C16orf96: variants seen among roughly 807,000 people sequenced by gnomAD.
C16orf96 encodes chromosome 16 open reading frame 96.
A neutral mutation model predicts 103.6 loss-of-function variants in C16orf96; 108 were observed. The observed-to-expected ratio is 1.04, with a 90% CI of 0.89 to 1.22. The LOEUF is 1.22. Ranked by LOEUF, C16orf96 falls within the 50% of genes most tolerant of loss-of-function variation. The pLI, the probability that C16orf96 is intolerant of heterozygous loss-of-function variation, is 0.00. For synonymous variants in C16orf96, 566 were observed against 593.5 expected (o/e 0.95, Z 0.67); for missense variants, 1,586 against 1,464.2 (o/e 1.08, Z -1.36).
rs548201732 is a variant in C16orf96 at position 4,575,487 on chromosome 16, C to T, written c.1007C>T (p.Pro336Leu). The T allele has an allele frequency of 6.5e-7, 1 of 1,547,870 alleles. No homozygotes were observed. Among genetic ancestry groups the T allele is most frequent in the African/African-American group, 1.4e-5 (1 of 73,172 alleles). Residue 336 changes from proline to leucine, a missense_variant, in exon 5 of 16, where the codon CCA (proline) becomes CTA (leucine). Coordinates refer to ENST00000444310, the MANE Select transcript of C16orf96 (RefSeq NM_001145011.2). ...PGPAPGTEPV[P>L]GLELGLELEP... ...CCTGCACCTGGGACTGAACCTGTGC[C>T]AGGACTGGAGCTGGGGCTGGAGCTG...
Position 4,575,731 on chromosome 16 carries a change from G to A in C16orf96, c.1251G>A (p.Gln417=). The change falls in exon 5 of 16, where the codon CAG becomes CAA. Residue 417 remains glutamine, a synonymous_variant. Transcript: ENST00000444310. Reference sequence around the variant, plus strand: ...ACTTAGGTGTCCTGCGGCCAACTCAGCCCCAACCCTCCAGGGCCCCACCAC... The same window carrying A: ...ACTTAGGTGTCCTGCGGCCAACTCAACCCCAACCCTCCAGGGCCCCACCAC... ...LWDLGVLRPT[Q]PQPSRAPPPA... The A allele has an allele frequency of 5.8e-6, 9 of 1,539,142 alleles. No homozygotes were observed. The highest frequency in any genetic ancestry group is 7.9e-6 in the Non-Finnish European group (9 of 1,141,298).
intron 14 of C16orf96, among the ~76,000 whole-genome samples, chr16:4,595,216 C>T (rs1249333969): frequency 6.6e-6 from 1 of 152,056 alleles, no homozygotes; most frequent in African/African-American, 2.4e-5. Context: ...GGAGAGTGGT[C>T]GTGTGGCAGG....
chr16:4,574,788 T>C lies in C16orf96; in HGVS notation c.605T>C (p.Val202Ala). The C allele has an allele frequency of 6.4e-7, 1 of 1,551,420 alleles. No individual in the cohort carries two copies. Among genetic ancestry groups the C allele is most frequent in the Non-Finnish European group, 8.7e-7 (1 of 1,146,958 alleles). ...AAGATGGTTGCACTGCAGCGGGAAG[T>C]GGTGAGGGCCACCATCCCTGTCTTC... ...NWKMVALQRE[V>A]ASLQNKFKTI... Residue 202 changes from valine to alanine, a missense_variant and splice_region_variant, in exon 3 of 16, where the codon GTG (valine) becomes GCG (alanine). Coordinates refer to ENST00000444310, the MANE Select transcript of C16orf96 (RefSeq NM_001145011.2).
chr16:4,575,984 A>G lies in C16orf96; in HGVS notation c.1504A>G (p.Arg502Gly). Residue 502 changes from arginine to glycine, a missense_variant, in exon 5 of 16, where the codon AGA becomes GGA. Coordinates refer to ENST00000444310, the MANE Select transcript of C16orf96 (RefSeq NM_001145011.2). ...RGGKDVDPKD[R>G]AHKDDVPKDR... The stretch of plus-strand genomic sequence containing the variant: ...TGGCAAGGATGTGGACCCCAAGGAT[A>G]GAGCTCACAAGGATGATGTCCCCAA... The G allele has an allele frequency of 6.5e-7, 1 of 1,550,244 alleles. No individual in the cohort carries two copies. Among genetic ancestry groups the G allele is most frequent in the Non-Finnish European group, 8.7e-7 (1 of 1,146,200 alleles).
the C16orf96 span, among the ~76,000 whole-genome samples, chr16:4,547,593 C>T: frequency 1.3e-5 from 2 of 151,816 alleles, no homozygotes; most frequent in African/African-American, 4.8e-5. Context: ...CCTCTCCTCT[C>T]CTCTCCTCTT....
At position 4,580,005 on chromosome 16, in the gene C16orf96, C is replaced by T; in HGVS notation, c.2242-10C>T. The T allele has an allele frequency of 6.5e-7, 1 of 1,549,676 alleles. No individual in the cohort carries two copies. The highest frequency in any genetic ancestry group is 8.7e-7 in the Non-Finnish European group (1 of 1,145,482). ...CAGAGGCCTGGGGTGTCTGTGTCTCCCCCTTTTAGGAGGAAGAACTTGAGA... is the reference window on the plus strand; with the variant it reads ...CAGAGGCCTGGGGTGTCTGTGTCTCTCCCTTTTAGGAGGAAGAACTTGAGA... On this transcript the variant is annotated splice_polypyrimidine_tract_variant and intron_variant, in intron 6 of 15. Coordinates refer to ENST00000444310, the MANE Select transcript of C16orf96 (RefSeq NM_001145011.2).
At chr16:4,579,163 G>A (rs1456568966) in intron 6 of C16orf96, 138 bp downstream of exon 6, 9 of 761,346 alleles carry the variant, frequency 1.2e-5, no homozygotes, top group East Asian at 1.1e-4. Flanking sequence ...AGCTGGCTGC[G>A]AAGGCAGCTG....
At chr16:4,548,545 GGC>G in the C16orf96 span, among the ~76,000 whole-genome samples, 5 of 152,234 alleles carry the variant, frequency 3.3e-5, no homozygotes, top group East Asian at 9.6e-4. Context: ...CAGCCCATGG[GGC>G]TCCCAAGAAC....
At chr16:4,540,274 G>T in the C16orf96 span, among the ~76,000 whole-genome samples, 11 of 152,336 alleles carry the variant, frequency 7.2e-5, no homozygotes, top group African/African-American at 2.4e-4. Flanking sequence ...GTTAGAAAAG[G>T]CCTCTCAGAG....
intron 1 of C16orf96, among the ~76,000 whole-genome samples, chr16:4,557,959 T>C (rs567506841): frequency 6.6e-6 from 1 of 152,356 alleles, no homozygotes; most frequent in East Asian, 1.9e-4. Context: ...CGTGAGCTAC[T>C]GTGCTCAGCC....
Position 4,596,358 on chromosome 16 carries a change from G to A in C16orf96, c.3127+1555G>A, listed in dbSNP as rs189858360. On this transcript the variant is annotated intron_variant, in intron 14 of 15. Transcript: ENST00000444310. ...AAATTAGCCAGCCATGGTGACACAC[G>A]CCGTTAATCCCAGCTACTCAGGAGG... Among the ~76,000 whole-genome samples, 7 of 152,116 alleles carry A rather than the reference G, an allele frequency of 4.6e-5. No individual in the cohort carries two copies. The East Asian group carries it at 9.7e-4, about 21-fold the overall frequency.
intron 5 of C16orf96, 36 bp from the exon 6 acceptor site, chr16:4,578,904 C>A: frequency 1.3e-6 from 2 of 1,511,604 alleles, no homozygotes; most frequent in South Asian, 1.2e-5. Flanking sequence ...TTCCTCCATC[C>A]GAGCCCTCAG....
intron 5 of C16orf96, among the ~76,000 whole-genome samples, chr16:4,577,776 C>G (rs1279470428): frequency 6.6e-6 from 1 of 152,022 alleles, no homozygotes; most frequent in East Asian, 1.9e-4. Context: ...GCCAACATAG[C>G]GAAACTCCGT....
the C16orf96 span, among the ~76,000 whole-genome samples, chr16:4,544,114 C>A: frequency 1.3e-5 from 2 of 152,070 alleles, no homozygotes; most frequent in Admixed American, 1.3e-4. Flanking sequence ...AGGGTTGGTC[C>A]CAAGTGTCCC....
chr16:4,546,113 A>G, the C16orf96 span, among the ~76,000 whole-genome samples: 60,537 of 148,908 alleles, frequency 0.41, 13,831 homozygotes, highest in African/African-American at 0.64. Flanking sequence ...CTCCCAAAGT[A>G]CGGGGATTAC....
chr16:4,600,489 G>GCA lies in C16orf96; in HGVS notation c.*173_*174insAC, dbSNP rs1350130010. 6.1e-5 allele frequency: 21 copies of GCA among 344,038 alleles called. No individual in the cohort carries two copies. The highest frequency in any genetic ancestry group is 8.7e-5 in the Non-Finnish European group (17 of 196,524). The allele number at this position is 344,038 out of a possible 1,614,324, so 21.3% of individuals were successfully genotyped here. On this transcript the variant is annotated 3_prime_UTR_variant, in exon 16 of 16. Transcript: ENST00000444310. Reference sequence around the variant, plus strand: ...CCATGTCCGAGGCTGAGGCTCATGCGCCCCCCCCCATCCCTACCAAGTCCC... The same window carrying GCA: ...CCATGTCCGAGGCTGAGGCTCATGCGCACCCCCCCCCATCCCTACCAAGTCCC...
chr16:4,541,523 G>A, the C16orf96 span, among the ~76,000 whole-genome samples: 11 of 152,166 alleles, frequency 7.2e-5, no homozygotes, highest in Admixed American at 2.0e-4. Context: ...GCTGTGAGCT[G>A]GGATTGTGCC....
At chr16:4,552,346 G>A (rs1455661972), upstream of C16orf96, among the ~76,000 whole-genome samples, 1 of 151,952 alleles carries the variant, frequency 6.6e-6, no homozygotes, top group African/African-American at 2.4e-5. Context: ...GCCTGGCATG[G>A]TAGCATGTGC....
Position 4,556,634 on chromosome 16 carries a change from G to A in C16orf96, c.145G>A (p.Asp49Asn), listed in dbSNP as rs62625009. ...MAELKKVLSGDEDFLQTSQVV... is the reference protein window; with the variant it reads ...MAELKKVLSGNEDFLQTSQVV... ...CGAGCTCAAGAAAGTCCTCTCAGGCGATGAGGACTTCCTGCAGACCTCGCA... is the reference window on the plus strand; with the variant it reads ...CGAGCTCAAGAAAGTCCTCTCAGGCAATGAGGACTTCCTGCAGACCTCGCA... Residue 49 changes from aspartate to asparagine, a missense_variant, in exon 1 of 16, where the codon GAT (aspartate) becomes AAT (asparagine). By Grantham distance (23) the Asp-to-Asn change is conservative. Transcript: ENST00000444310. 21,621 of 1,551,724 alleles carry A rather than the reference G, an allele frequency of 0.014. 221 individuals are homozygous for A. The highest frequency in any genetic ancestry group is 0.032 in the Admixed American group (1,617 of 51,000).
Sources: allele counts gnomAD v4.1 joint callset (sites outside exome capture counted in the v4.1 genomes callset), GRCh38; gene constraint gnomAD v4.1.1; transcripts MANE v1.5; gene names NCBI Gene and HGNC (gene_info 2026-07-23, HGNC 2026-07-21).